Variants in SPATS2L observed in about 807,000 individuals in gnomAD.
The protein encoded by SPATS2L is spermatogenesis associated serine rich 2 like.
Under a neutral mutation model 59.6 loss-of-function variants are expected in SPATS2L, and 30 were observed. The observed-to-expected ratio is 0.50, with a 90% confidence interval of 0.38 to 0.68. The LOEUF (loss-of-function observed/expected upper bound fraction) is 0.68. SPATS2L is among the 30% of genes least tolerant of loss of function. The probability of loss-of-function intolerance (pLI) is 0.00; values close to 1 mark genes in which losing one functional copy is unlikely to be tolerated. For missense variants in SPATS2L, 615 were observed against 700.0 expected (o/e 0.88, Z 1.37); for synonymous variants, 252 against 263.5 (o/e 0.96, Z 0.42).
At chr2:200,356,316 G>A (rs1411929011) in intron 2 of SPATS2L, among the ~76,000 whole-genome samples, 1 of 152,044 alleles carries the variant, frequency 6.6e-6, no homozygotes, top group Non-Finnish European at 1.5e-5. Flanking sequence ...AATAATGATG[G>A]CACTAAACAG....
chr2:200,398,743 G>T (rs753680792), intron 3 of SPATS2L, among the ~76,000 whole-genome samples: 7 of 152,190 alleles, frequency 4.6e-5, no homozygotes, highest in Non-Finnish European at 8.8e-5. Context: ...CACCTCCTAC[G>T]CACTGGCACT....
At chr2:200,436,118 C>T (rs1272393312) in intron 6 of SPATS2L, among the ~76,000 whole-genome samples, 5 of 152,112 alleles carry the variant, frequency 3.3e-5, no homozygotes, top group Admixed American at 6.5e-5. Flanking sequence ...GAATCAGCCC[C>T]CATTGAGCTA....
intron 10 of SPATS2L, among the ~76,000 whole-genome samples, chr2:200,468,169 C>T (rs191730195): frequency 6.6e-6 from 1 of 151,864 alleles, no homozygotes; most frequent in South Asian, 2.1e-4. Context: ...CATCATTTGG[C>T]CCAGAGAGGG....
rs529283417 is a variant in SPATS2L, at chr2:200,459,641, T to A, written c.789-128T>A. 5 of 741,320 alleles carry A rather than the reference T, an allele frequency of 6.7e-6. No homozygotes were observed. In the East Asian group the frequency reaches 1.4e-4, roughly 20 times the overall value. 45.9% of individuals were successfully genotyped at this position (741,320 alleles called of 1,614,324 possible). ...GAGGCAGAGTGTACTGCTGGCATTGTAGCATAGAAATATTTATGGTAATTT... is the reference window on the plus strand; with the variant it reads ...GAGGCAGAGTGTACTGCTGGCATTGAAGCATAGAAATATTTATGGTAATTT... On this transcript the variant is annotated intron_variant, in intron 8 of 12. Transcript: ENST00000409140.
chr2:200,306,343 T>G, upstream of SPATS2L: 1 of 1,002,264 alleles, frequency 1.0e-6, no homozygotes, highest in Non-Finnish European at 1.2e-6. Context: ...ACAAAATCTT[T>G]CATTAACAAG....
chr2:200,471,528 A>T (rs2087037460), intron 11 of SPATS2L, among the ~76,000 whole-genome samples: 1 of 152,150 alleles, frequency 6.6e-6, no homozygotes, highest in African/African-American at 2.4e-5. Flanking sequence ...CCAGGTGTCC[A>T]TTCTGAAAGA....
chr2:200,429,714 C>G (rs2083794853), intron 6 of SPATS2L, among the ~76,000 whole-genome samples: 3 of 152,224 alleles, frequency 2.0e-5, no homozygotes, highest in African/African-American at 7.2e-5. Context: ...TATGGCCTTG[C>G]AGGGTCACTT....
Position 200,440,703 on chromosome 2 carries a change from C to T in SPATS2L, c.707C>T (p.Thr236Ile). Reference sequence around the variant, plus strand: ...TTGCAACGCTGCACCGTTTCTCTAACTAGATATCGCGTCATGATTAAGGAA... The same window carrying T: ...TTGCAACGCTGCACCGTTTCTCTAATTAGATATCGCGTCATGATTAAGGAA... ...KDLQRCTVSL[T>I]RYRVMIKEEV... Residue 236 changes from threonine (T) to isoleucine (I), a missense_variant, in exon 8 of 13, where the codon ACT (threonine) becomes ATT (isoleucine). Transcript: ENST00000409140. 1 of 1,613,666 alleles carries T rather than the reference C, an allele frequency of 6.2e-7. No individual in the cohort carries two copies. The highest frequency in any genetic ancestry group is 1.1e-5 in the South Asian group (1 of 91,078).
intron 3 of SPATS2L, among the ~76,000 whole-genome samples, chr2:200,402,567 T>C (rs1366939946): frequency 6.6e-6 from 1 of 152,210 alleles, no homozygotes; most frequent in African/African-American, 2.4e-5. Context: ...GGGGCTTCCC[T>C]TACTCTCTAG....
At chr2:200,318,526 C>T (rs1476528246) in intron 1 of SPATS2L, among the ~76,000 whole-genome samples, 1 of 152,146 alleles carries the variant, frequency 6.6e-6, no homozygotes, top group African/African-American at 2.4e-5. Context: ...TCTGGTACTC[C>T]CTGAACAAGA....
intron 2 of SPATS2L, among the ~76,000 whole-genome samples, chr2:200,375,061 G>T (rs370806215): frequency 4.6e-5 from 7 of 152,192 alleles, no homozygotes; most frequent in Non-Finnish European, 7.3e-5. Flanking sequence ...CTAGAGCTCC[G>T]TGCAAAGTAG....
chr2:200,307,685 C>T (rs1318143887), intron 1 of SPATS2L, among the ~76,000 whole-genome samples: 2 of 152,222 alleles, frequency 1.3e-5, no homozygotes, highest in Non-Finnish European at 2.9e-5. Flanking sequence ...GCCGCACACG[C>T]GGGGCTGAAG....
intron 1 of SPATS2L, among the ~76,000 whole-genome samples, chr2:200,317,062 A>C (rs2079404460): frequency 6.6e-6 from 1 of 152,084 alleles, no homozygotes; most frequent in African/African-American, 2.4e-5. Flanking sequence ...GTGTATGAGA[A>C]AGGTGGCCGC....
In SPATS2L at chr2:200,468,816, A is replaced by T. The variant is rs80009444; in HGVS notation, c.958-1098A>T. ...GACTTCAATATATGTTCCAACTTCC[A>T]TCTCTCTCTACAAAAATCCCAGCTT... On this transcript the variant is annotated intron_variant, in intron 10 of 12. Transcript: ENST00000409140. Among the ~76,000 whole-genome samples the T allele has an allele frequency of 3.9e-3, 593 of 152,324 alleles. 4 individuals are homozygous for T. The highest frequency in any genetic ancestry group is 0.013 in the African/African-American group (555 of 41,580).
chr2:200,385,981 C>T (rs931593408), intron 2 of SPATS2L, among the ~76,000 whole-genome samples: 7 of 152,320 alleles, frequency 4.6e-5, no homozygotes, highest in Middle Eastern at 3.4e-3. Context: ...CGTGAGCCAC[C>T]GCACCCGGCC....
intron 1 of SPATS2L, among the ~76,000 whole-genome samples, chr2:200,308,564 G>C (rs1441975843): frequency 6.6e-6 from 1 of 152,100 alleles, no homozygotes; most frequent in South Asian, 2.1e-4. Flanking sequence ...CAGAAAACAT[G>C]TCAAATCTGT....
chr2:200,392,713 G>C (rs2082208630), intron 3 of SPATS2L, among the ~76,000 whole-genome samples: 3 of 152,104 alleles, frequency 2.0e-5, no homozygotes, highest in Non-Finnish European at 2.9e-5. Flanking sequence ...TACTTGTGCT[G>C]GTATCTGAAG....
intron 2 of SPATS2L, among the ~76,000 whole-genome samples, chr2:200,363,061 A>G (rs2081159921): frequency 6.6e-6 from 1 of 152,164 alleles, no homozygotes; most frequent in African/African-American, 2.4e-5. Context: ...CCGTACTGCC[A>G]TTGCCCCTCG....
chr2:200,333,567 A>T (rs1259847238), intron 2 of SPATS2L, among the ~76,000 whole-genome samples: 1 of 151,970 alleles, frequency 6.6e-6, no homozygotes, highest in Non-Finnish European at 1.5e-5. Context: ...TTTGTTACAT[A>T]TGTATACATG....
Sources: gnomAD v4.1 joint callset for allele counts (sites outside exome capture counted in the v4.1 genomes callset) on GRCh38, gnomAD v4.1.1 for gene constraint, MANE v1.5 for transcripts, NCBI Gene and HGNC (gene_info 2026-07-23, HGNC 2026-07-21) for gene names.